The following SMAD4 variants were observed in gnomAD, a reference collection of about 807,000 sequenced individuals.
SMAD4 encodes the protein SMAD family member 4.
A neutral mutation model predicts 63.2 loss-of-function variants in SMAD4; 7 were observed. The ratio of observed to expected loss-of-function variants is 0.11; its 90% CI spans 0.06 to 0.21. SMAD4 has a LOEUF of 0.21. SMAD4 is among the 10% of genes least tolerant of loss of function. The pLI, the probability that SMAD4 is intolerant of heterozygous loss-of-function variation, is 1.00. For missense variants in SMAD4, 312 were observed against 693.8 expected (o/e 0.45, Z 6.18); for synonymous variants, 215 against 235.4 (o/e 0.91, Z 0.79).
intron 1 of SMAD4, among the ~76,000 whole-genome samples, chr18:51,034,005 A>G (rs563204995): frequency 1.3e-5 from 2 of 152,338 alleles, no homozygotes; most frequent in South Asian, 4.1e-4. Context: ...AGTTGTAAAG[A>G]GGGTCTGTTA....
chr18:51,037,339 CAA>C (rs1909237074), intron 1 of SMAD4, among the ~76,000 whole-genome samples: 1 of 152,154 alleles, frequency 6.6e-6, no homozygotes, highest in Non-Finnish European at 1.5e-5. Flanking sequence ...TTCACAAAAT[CAA>C]AATTATTTTC....
intron 5 of SMAD4, among the ~76,000 whole-genome samples, chr18:51,055,693 G>A (rs1416335317): frequency 2.6e-5 from 4 of 151,586 alleles, no homozygotes; most frequent in African/African-American, 9.7e-5. Flanking sequence ...GGCAAATGAA[G>A]TAGCTTTTTT....
chr18:51,033,347 G>A (rs1254414331), intron 1 of SMAD4, among the ~76,000 whole-genome samples: 1 of 152,122 alleles, frequency 6.6e-6, no homozygotes, highest in East Asian at 1.9e-4. Flanking sequence ...GTGCCACCAC[G>A]CTTGGCTAAT....
At chr18:51,067,887 C>G (rs1014582639) in intron 10 of SMAD4, among the ~76,000 whole-genome samples, 1 of 152,132 alleles carries the variant, frequency 6.6e-6, no homozygotes, top group African/African-American at 2.4e-5. Context: ...AATTAAGAAC[C>G]TGATAAGCCT....
chr18:51,074,439 A>G (rs1483351364), intron 10 of SMAD4, among the ~76,000 whole-genome samples: 1 of 152,246 alleles, frequency 6.6e-6, no homozygotes, highest in African/African-American at 2.4e-5. Flanking sequence ...AAAGGTGTTC[A>G]GCATCATAAA....
chr18:51,065,672 G>C, intron 9 of SMAD4, 66 bp downstream of exon 9: 2 of 1,326,596 alleles, frequency 1.5e-6, no homozygotes. Flanking sequence ...TTTTATTCAA[G>C]GTTATGTTTT....
Position 51,079,662 on chromosome 18 carries a change from T to G in SMAD4, c.*1195T>G. 4.3e-6 allele frequency: 1 copy of G among 233,534 alleles called. No individual in the cohort carries two copies. The highest frequency in any genetic ancestry group is 8.5e-6 in the Non-Finnish European group (1 of 117,962). The allele number at this position is 233,534 out of a possible 1,614,324, so 14.5% of individuals were successfully genotyped here. A position where few individuals can be genotyped will look rare whatever the true frequency, so the allele number is the denominator to read the frequency against. On this transcript the variant is annotated 3_prime_UTR_variant, in exon 12 of 12. Coordinates refer to ENST00000342988, the MANE Select transcript of SMAD4 (RefSeq NM_005359.6). ...CATCAATGATCATATCAATTGGCAGTGACTTTGTATAGAGAATTTAAGTAG... is the reference window on the plus strand; with the variant it reads ...CATCAATGATCATATCAATTGGCAGGGACTTTGTATAGAGAATTTAAGTAG...
At chr18:51,035,884 G>C (rs999745979) in intron 1 of SMAD4, among the ~76,000 whole-genome samples, 3 of 152,202 alleles carry the variant, frequency 2.0e-5, no homozygotes, top group African/African-American at 7.2e-5. Flanking sequence ...TGCTGCTTCA[G>C]AATGGGAATG....
chr18:51,044,179 CTG>C (rs1374252133), intron 1 of SMAD4, among the ~76,000 whole-genome samples: 1 of 152,138 alleles, frequency 6.6e-6, no homozygotes, highest in Non-Finnish European at 1.5e-5. Flanking sequence ...GAGTCTCACT[CTG>C]TTGCCCAGGC....
At chr18:51,060,896 T>C (rs1269032643) in intron 8 of SMAD4, among the ~76,000 whole-genome samples, 3 of 151,304 alleles carry the variant, frequency 2.0e-5, no homozygotes, top group Non-Finnish European at 4.4e-5. Flanking sequence ...TAATTTTATT[T>C]ATTTATTTAT....
At chr18:51,074,514 GATA>G (rs764543040) in intron 10 of SMAD4, among the ~76,000 whole-genome samples, 14 of 152,322 alleles carry the variant, frequency 9.2e-5, no homozygotes, top group Non-Finnish European at 1.3e-4. Context: ...GGTTTTGGGT[GATA>G]ATGATGTGTC....
intron 8 of SMAD4, among the ~76,000 whole-genome samples, chr18:51,063,011 G>A (rs1326629086): frequency 9.2e-5 from 14 of 151,410 alleles, no homozygotes; most frequent in Non-Finnish European, 8.8e-5. Context: ...CCGCCACCAC[G>A]CCCGGCTAAT....
intron 1 of SMAD4, among the ~76,000 whole-genome samples, chr18:51,037,529 C>T (rs775097431): frequency 3.9e-5 from 6 of 152,046 alleles, no homozygotes; most frequent in Non-Finnish European, 5.9e-5. Context: ...GAAAAAATGC[C>T]GGTTTCACTT....
chr18:51,083,050 TAGAG>T lies in SMAD4; in HGVS notation c.*4587_*4590del, dbSNP rs374333786. 537 of 225,112 alleles carry T rather than the reference TAGAG, an allele frequency of 2.4e-3. 5 individuals are homozygous for T. Among genetic ancestry groups the T allele is most frequent in the African/African-American group, 0.011 (479 of 45,030 alleles). 13.9% of individuals were successfully genotyped at this position (225,112 alleles called of 1,614,324 possible). ...CTTGCTGAGTTTCAGGTAGTTGAGA[TAGAG>T]AGAAGTGAGTCATATTCATATTTTC... is the stretch of plus-strand genomic sequence containing the variant. On this transcript the variant is annotated 3_prime_UTR_variant, in exon 12 of 12. Coordinates refer to ENST00000342988, the MANE Select transcript of SMAD4 (RefSeq NM_005359.6).
In SMAD4 at chr18:51,084,000, GCACGCGCGCGCGCACACA is replaced by G. The variant is rs1298007077; in HGVS notation, c.*5537_*5554del. ...TGCAATAAACACTTAACGCGCGTGC[GCACGCGCGCGCGCACACA>G]CACACACACACACACACACACACAC... On this transcript the variant is annotated 3_prime_UTR_variant, in exon 12 of 12. Coordinates refer to ENST00000342988, the MANE Select transcript of SMAD4 (RefSeq NM_005359.6). The G allele has an allele frequency of 3.1e-4, 63 of 201,464 alleles. No homozygotes were observed. Among genetic ancestry groups the G allele is most frequent in the African/African-American group, 1.8e-3 (61 of 34,460 alleles). 12.5% of individuals were successfully genotyped at this position (201,464 alleles called of 1,614,324 possible).
At chr18:51,033,186 ATT>A (rs34008927) in intron 1 of SMAD4, among the ~76,000 whole-genome samples, 26 of 117,308 alleles carry the variant, frequency 2.2e-4, no homozygotes, top group African/African-American at 6.1e-4. Context: ...ATAACACAGC[ATT>A]TTTTTTTTTT....
intron 1 of SMAD4, among the ~76,000 whole-genome samples, chr18:51,042,324 CCTCCCTCT>C (rs565604027): frequency 2.8e-5 from 3 of 108,248 alleles, no homozygotes; most frequent in Non-Finnish European, 6.0e-5. Flanking sequence ...TCCCTCCCTC[CCTCCCTCT>C]CTCCCTCTCT....
At chr18:51,045,400 C>T (rs1909512961) in intron 1 of SMAD4, among the ~76,000 whole-genome samples, 1 of 152,070 alleles carries the variant, frequency 6.6e-6, no homozygotes, top group African/African-American at 2.4e-5. Flanking sequence ...TACAAACAAG[C>T]ACACAAAGTA....
chr18:51,035,048 C>G (rs1282217644), intron 1 of SMAD4, among the ~76,000 whole-genome samples: 1 of 152,216 alleles, frequency 6.6e-6, no homozygotes, highest in Non-Finnish European at 1.5e-5. Context: ...TTCTTTAATA[C>G]AGTGTTACAC....
Sources: allele counts gnomAD v4.1 joint callset (sites outside exome capture counted in the v4.1 genomes callset), GRCh38; gene constraint gnomAD v4.1.1; transcripts MANE v1.5; gene names NCBI Gene and HGNC (gene_info 2026-07-23, HGNC 2026-07-21).